DERA: variants seen among roughly 807,000 people sequenced by gnomAD.
DERA encodes 2-deoxy-D-ribose 5-phosphate aldolase.
In DERA, 15 loss-of-function variants were observed where a neutral mutation model predicts 41.1. The ratio of observed to expected loss-of-function variants is 0.37; its 90% confidence interval spans 0.24 to 0.56. The LOEUF is 0.56. DERA is among the 20% of genes least tolerant of loss of function. The pLI is 0.81. For missense variants in DERA, 396 were observed against 403.4 expected (o/e 0.98, Z 0.16); for synonymous variants, 139 against 137.4 (o/e 1.01, Z -0.08).
intron 6 of DERA, among the ~76,000 whole-genome samples, chr12:16,016,680 TACG>T (rs1948984233): frequency 6.7e-6 from 1 of 149,140 alleles, no homozygotes; most frequent in Non-Finnish European, 1.5e-5. Context: ...TACTCCCAGC[TACG>T]TGGAGGGCTG....
chr12:16,036,254 G>C lies in DERA; in HGVS notation c.773G>C (p.Gly258Ala), dbSNP rs1949127198. ...GNKIGFKPAG[G>A]IRSAKDSLAW... Reference sequence around the variant, plus strand: ...TAGATAGGGTTTAAACCAGCAGGAGGCATCCGCAGTGCAAAGGATTCCCTT... The same window carrying C: ...TAGATAGGGTTTAAACCAGCAGGAGCCATCCGCAGTGCAAAGGATTCCCTT... Residue 258 changes from glycine (G) to alanine (A), a missense_variant, in exon 8 of 9, where the codon GGC (glycine) becomes GCC (alanine). Physicochemically the swap from Gly to Ala is moderately conservative, Grantham distance 60. Transcript: ENST00000428559. The surrounding 1 kb of genome is among the most constrained non-coding windows in gnomAD (Gnocchi z 4.9). The C allele has an allele frequency of 1.2e-6, 2 of 1,611,426 alleles. No individual in the cohort carries two copies. Among genetic ancestry groups the C allele is most frequent in the East Asian group, 4.5e-5 (2 of 44,788 alleles).
intron 1 of DERA, among the ~76,000 whole-genome samples, chr12:15,953,026 A>G (rs1948510040): frequency 6.6e-6 from 1 of 152,216 alleles, no homozygotes; most frequent in Admixed American, 6.5e-5. Flanking sequence ...ACTGAGCAGT[A>G]TCCTTGGCCT....
At chr12:15,963,799 G>A (rs1948605059) in intron 5 of DERA, among the ~76,000 whole-genome samples, 1 of 152,004 alleles carries the variant, frequency 6.6e-6, no homozygotes, top group African/African-American at 2.4e-5. Context: ...TAAGAGATAG[G>A]ATTTTATCTC....
chr12:16,000,401 A>G lies in DERA; in HGVS notation c.637+17965A>G, dbSNP rs144376621. Among the ~76,000 whole-genome samples, 18 of 152,380 alleles carry G rather than the reference A, an allele frequency of 1.2e-4. 1 individual carries two copies. The East Asian group carries it at 2.5e-3, about 21-fold the overall frequency. ...TTTTGGTTTAGAAAACATTAGCAAG[A>G]TAACACATGTAAATCAAAATGCAGA... On this transcript the variant is annotated intron_variant, in intron 6 of 8. Transcript: ENST00000428559. This position sits in a 1 kb window ranked among gnomAD's most constrained non-coding sequence, Gnocchi z 4.8.
chr12:15,933,792 G>A (rs1592004912), intron 1 of DERA, among the ~76,000 whole-genome samples: 1 of 152,038 alleles, frequency 6.6e-6, no homozygotes, highest in African/African-American at 2.4e-5. Context: ...CAGGTCTGTC[G>A]GCTTGTTGAA....
intron 1 of DERA, among the ~76,000 whole-genome samples, chr12:15,916,795 A>G (rs1262635550): frequency 6.6e-6 from 1 of 152,110 alleles, no homozygotes; most frequent in African/African-American, 2.4e-5. Context: ...GTTTAAAATA[A>G]GAGATGGGGT....
In DERA at chr12:15,957,056, C is replaced by T. The variant is rs755816139; in HGVS notation, c.129+23C>T. On this transcript the variant is annotated intron_variant, in intron 2 of 8. Coordinates refer to ENST00000428559, the MANE Select transcript of DERA (RefSeq NM_015954.4). This position sits in a 1 kb window ranked among gnomAD's most constrained non-coding sequence, Gnocchi z 4.8. ...CAGGTAAGGGTTCTTCTTGAGCATT[C>T]TGTGCCTGTATTTTACAATGCATGG... 3 of 1,581,912 alleles carry T rather than the reference C, an allele frequency of 1.9e-6. No homozygotes were observed. The highest frequency in any genetic ancestry group is 2.2e-5 in the South Asian group (2 of 90,158).
Position 15,938,689 on chromosome 12 carries a change from A to T in DERA, c.32-18247A>T, listed in dbSNP as rs1176773015. Among the ~76,000 whole-genome samples, 1 of 152,208 alleles carries T rather than the reference A, an allele frequency of 6.6e-6. No individual in the cohort carries two copies. Among genetic ancestry groups the T allele is most frequent in the Non-Finnish European group, 1.5e-5 (1 of 68,026 alleles). On this transcript the variant is annotated intron_variant, in intron 1 of 8. Transcript: ENST00000428559. The surrounding 1 kb of genome is among the most constrained non-coding windows in gnomAD (Gnocchi z 4.1). ...GGATATTTTCAATTCACATTTTTTA[A>T]TTGAAATGTGTAAATATTTTACCAG...
intron 1 of DERA, among the ~76,000 whole-genome samples, chr12:15,951,856 C>A (rs1337452967): frequency 6.6e-6 from 1 of 151,950 alleles, no homozygotes; most frequent in African/African-American, 2.4e-5. Flanking sequence ...AGTAATGTAT[C>A]ATAATCAGTT....
rs1055989605 is a variant in DERA at position 15,988,559 on chromosome 12, G to A, written c.637+6123G>A. 3.9e-5 allele frequency among the ~76,000 whole-genome samples: 6 copies of A among 152,298 alleles called. No individual in the cohort carries two copies. The highest frequency in any genetic ancestry group is 6.8e-3 in the Middle Eastern group (2 of 294). On this transcript the variant is annotated intron_variant, in intron 6 of 8. Coordinates refer to ENST00000428559, the MANE Select transcript of DERA (RefSeq NM_015954.4). The surrounding 1 kb of genome is among the most constrained non-coding windows in gnomAD (Gnocchi z 6.0). ...TTTATATGCTCAGAATGAAGGAAGTGCATGCTGATTGGTCCATGGGCGGCC... is the reference window on the plus strand; with the variant it reads ...TTTATATGCTCAGAATGAAGGAAGTACATGCTGATTGGTCCATGGGCGGCC...
At position 15,954,564 on chromosome 12, in the gene DERA, A is replaced by T. The variant is rs1322165546; in HGVS notation, c.32-2372A>T. On this transcript the variant is annotated intron_variant, in intron 1 of 8. Coordinates refer to ENST00000428559, the MANE Select transcript of DERA (RefSeq NM_015954.4). This position sits in a 1 kb window ranked among gnomAD's most constrained non-coding sequence, Gnocchi z 4.0. ...TAGAAGGAGCTTGCAGCATGCACAG[A>T]TCCAGAGACAGCCTGGCATAATGTG... Among the ~76,000 whole-genome samples, 1 of 152,212 alleles carries T rather than the reference A, an allele frequency of 6.6e-6. No individual in the cohort carries two copies. Among genetic ancestry groups the T allele is most frequent in the African/African-American group, 2.4e-5 (1 of 41,456 alleles).
chr12:16,036,269 A>C lies in DERA; in HGVS notation c.788A>C (p.Lys263Thr). The C allele has an allele frequency of 6.2e-7, 1 of 1,613,502 alleles. No individual in the cohort carries two copies. The highest frequency in any genetic ancestry group is 8.5e-7 in the Non-Finnish European group (1 of 1,179,650). ...CCAGCAGGAGGCATCCGCAGTGCAA[A>C]GGATTCCCTTGCTTGGCTCTCTCTT... is the stretch of plus-strand genomic sequence containing the variant. ...FKPAGGIRSA[K>T]DSLAWLSLVK... is the part of the protein sequence containing the mutation. Residue 263 changes from lysine to threonine, a missense_variant, in exon 8 of 9, where the codon AAG becomes ACG. Physicochemically the swap from Lys to Thr is moderately conservative, Grantham distance 78. Coordinates refer to ENST00000428559, the MANE Select transcript of DERA (RefSeq NM_015954.4). This position sits in a 1 kb window ranked among gnomAD's most constrained non-coding sequence, Gnocchi z 4.9.
At position 15,990,857 on chromosome 12, in the gene DERA, T is replaced by C. The variant is rs772924604; in HGVS notation, c.637+8421T>C. On this transcript the variant is annotated intron_variant, in intron 6 of 8. Coordinates refer to ENST00000428559, the MANE Select transcript of DERA (RefSeq NM_015954.4). This position sits in a 1 kb window ranked among gnomAD's most constrained non-coding sequence, Gnocchi z 4.3. Reference sequence around the variant, plus strand: ...CACATTTTATTTATCCAGTCTATCATTGATGGACATTTACATTGATTCCAT... The same window carrying C: ...CACATTTTATTTATCCAGTCTATCACTGATGGACATTTACATTGATTCCAT... Among the ~76,000 whole-genome samples, 3 of 152,284 alleles carry C rather than the reference T, an allele frequency of 2.0e-5. No individual in the cohort carries two copies. The highest frequency in any genetic ancestry group is 2.1e-4 in the South Asian group (1 of 4,822).
chr12:15,969,653 C>A (rs1472343440), intron 5 of DERA, among the ~76,000 whole-genome samples: 3 of 152,160 alleles, frequency 2.0e-5, no homozygotes, highest in African/African-American at 4.8e-5. Flanking sequence ...GAAATATCAG[C>A]ACCAAAGTCA....
chr12:16,034,945 T>C (rs990699651), intron 7 of DERA, among the ~76,000 whole-genome samples: 1 of 50,412 alleles, frequency 2.0e-5, no homozygotes, highest in African/African-American at 8.4e-5. Flanking sequence ...CTCATCCTAC[T>C]TAACCCCCTA....
At position 16,003,109 on chromosome 12, in the gene DERA, A is replaced by C. The variant is rs990598585; in HGVS notation, c.637+20673A>C. 1.3e-5 allele frequency among the ~76,000 whole-genome samples: 2 copies of C among 152,094 alleles called. No individual in the cohort carries two copies. The highest frequency in any genetic ancestry group is 2.4e-5 in the African/African-American group (1 of 41,378). ...GTTCCTTCTGAGGGCTATGAGAAAG[A>C]ATCTGTTTTGTGGCTCTCCCCTTAC... On this transcript the variant is annotated intron_variant, in intron 6 of 8. Coordinates refer to ENST00000428559, the MANE Select transcript of DERA (RefSeq NM_015954.4). The surrounding 1 kb of genome is among the most constrained non-coding windows in gnomAD (Gnocchi z 4.8).
chr12:15,952,310 C>T (rs1321070166), intron 1 of DERA, among the ~76,000 whole-genome samples: 3 of 152,116 alleles, frequency 2.0e-5, no homozygotes, highest in Non-Finnish European at 4.4e-5. Flanking sequence ...GCCACACATA[C>T]GTTTTCATGT....
At position 15,989,085 on chromosome 12, in the gene DERA, C is replaced by T. The variant is rs1249332940; in HGVS notation, c.637+6649C>T. Among the ~76,000 whole-genome samples the T allele has an allele frequency of 2.0e-5, 3 of 152,202 alleles. No homozygotes were observed. The highest frequency in any genetic ancestry group is 7.2e-5 in the African/African-American group (3 of 41,470). On this transcript the variant is annotated intron_variant, in intron 6 of 8. Transcript: ENST00000428559. The surrounding 1 kb of genome is among the most constrained non-coding windows in gnomAD (Gnocchi z 5.2). ...CAGGGGTAGAGGGCTTCCCAGGCTT[C>T]TAAGAGCACAGGAATGCCTGGGTCT...
chr12:15,998,400 C>G lies in DERA; in HGVS notation c.637+15964C>G, dbSNP rs1449545066. Among the ~76,000 whole-genome samples the G allele has an allele frequency of 6.6e-6, 1 of 152,080 alleles. No homozygotes were observed. Among genetic ancestry groups the G allele is most frequent in the Non-Finnish European group, 1.5e-5 (1 of 68,028 alleles). On this transcript the variant is annotated intron_variant, in intron 6 of 8. Transcript: ENST00000428559. The surrounding 1 kb of genome is among the most constrained non-coding windows in gnomAD (Gnocchi z 4.8). ...TGGCCGGATCTTGGCTCACGGCAACCTCCGCCTTCCGGGTTCAAGCAGTTC... is the reference window on the plus strand; with the variant it reads ...TGGCCGGATCTTGGCTCACGGCAACGTCCGCCTTCCGGGTTCAAGCAGTTC...
Sources: allele counts gnomAD v4.1 joint callset (sites outside exome capture counted in the v4.1 genomes callset), GRCh38; gene constraint gnomAD v4.1.1; non-coding constraint Gnocchi (gnomAD v3.1); transcripts MANE v1.5; gene names NCBI Gene and HGNC (gene_info 2026-07-23, HGNC 2026-07-21).